ATP2C2: variants seen among roughly 807,000 people sequenced by gnomAD.
The protein encoded by ATP2C2 is ATPase secretory pathway Ca2+ transporting 2.
ATP2C2 carries 171 observed loss-of-function variants against 110.8 expected under a neutral mutation model. The ratio of observed to expected loss-of-function variants is 1.54; its 90% CI spans 1.36 to 1.75. The LOEUF is 1.75. Among genes scored for constraint, ATP2C2 ranks in the 40% most tolerant of loss-of-function variants. The pLI is 0.00. For missense variants in ATP2C2, 1,963 were observed against 1,235.0 expected (o/e 1.59, Z -8.84); for synonymous variants, 804 against 508.4 (o/e 1.58, Z -7.82).
intron 3 of ATP2C2, among the ~76,000 whole-genome samples, chr16:84,406,982 C>A (rs1442010254): frequency 6.6e-6 from 1 of 152,156 alleles, no homozygotes; most frequent in Non-Finnish European, 1.5e-5. Flanking sequence ...TTCTTGAGAG[C>A]AGAGGACCTG....
rs1473749638 is a variant in ATP2C2 at position 84,436,056 on chromosome 16, G to T, written c.987-3110G>T. Among the ~76,000 whole-genome samples, 5 of 152,238 alleles carry T rather than the reference G, an allele frequency of 3.3e-5. No individual in the cohort carries two copies. In the East Asian group the frequency reaches 7.7e-4, roughly 24 times the overall value. Reference sequence around the variant, plus strand: ...AGGCAGGAGAATTGCATGAAGCTGGGGGGTGGATGTTGCAGTGAGCTGAGA... The same window carrying T: ...AGGCAGGAGAATTGCATGAAGCTGGTGGGTGGATGTTGCAGTGAGCTGAGA... On this transcript the variant is annotated intron_variant, in intron 11 of 26. Transcript: ENST00000262429.
intron 16 of ATP2C2, among the ~76,000 whole-genome samples, chr16:84,446,725 C>T (rs1284047718): frequency 2.6e-5 from 4 of 152,098 alleles, no homozygotes; most frequent in African/African-American, 7.2e-5. Flanking sequence ...CCTCCTGAGT[C>T]GAAGGGTCCA....
At chr16:84,426,019 G>C (rs1033471411) in intron 11 of ATP2C2, 3 of 569,312 alleles carry the variant, frequency 5.3e-6, no homozygotes, top group Non-Finnish European at 9.5e-6. Context: ...GATCCAGGGT[G>C]TCCCTTTTGT....
chr16:84,430,532 T>A (rs969981737), intron 11 of ATP2C2, among the ~76,000 whole-genome samples: 3 of 148,276 alleles, frequency 2.0e-5, no homozygotes, highest in Non-Finnish European at 3.0e-5. Context: ...TCCCAGCTAC[T>A]GGGGGGCAGA....
At chr16:84,444,371 G>A (rs977112314) in intron 15 of ATP2C2, among the ~76,000 whole-genome samples, 2 of 152,058 alleles carry the variant, frequency 1.3e-5, no homozygotes, top group Non-Finnish European at 2.9e-5. Context: ...TACTCGGGAG[G>A]CTGAGGCAGG....
rs562539690 is a variant in ATP2C2 at position 84,460,279 on chromosome 16, GTC to G, written c.2334-368_2334-367del. On this transcript the variant is annotated intron_variant, in intron 23 of 26. Transcript: ENST00000262429. Reference sequence around the variant, plus strand: ...GCTGTGTGGAGTTGGCTGGAGGCTGGTCTCTCTCAGCTGATGAGGGGCTCTGC... The same window carrying G: ...GCTGTGTGGAGTTGGCTGGAGGCTGGTCTCTCAGCTGATGAGGGGCTCTGC... The G allele has an allele frequency of 3.0e-5, 9 of 304,380 alleles. No homozygotes were observed. In the East Asian group the frequency reaches 3.5e-4, roughly 12 times the overall value. The allele number at this position is 304,380 out of a possible 1,614,324, so 18.9% of individuals were successfully genotyped here.
intron 11 of ATP2C2, among the ~76,000 whole-genome samples, chr16:84,431,451 T>G (rs1429888650): frequency 6.6e-6 from 1 of 151,610 alleles, no homozygotes; most frequent in East Asian, 1.9e-4. Context: ...AGCCGACATC[T>G]CACCACTGCA....
chr16:84,381,656 C>A (rs779284256), intron 1 of ATP2C2, among the ~76,000 whole-genome samples: 1 of 152,216 alleles, frequency 6.6e-6, no homozygotes, highest in East Asian at 1.9e-4. Context: ...GCTGGGCACA[C>A]TATTCTGCCC....
rs574823170 is a variant in ATP2C2, at chr16:84,460,989, G to A, written c.2481+188G>A. On this transcript the variant is annotated intron_variant, in intron 24 of 26. Coordinates refer to ENST00000262429, the MANE Select transcript of ATP2C2 (RefSeq NM_014861.4). ...AGGGACTGGGTGACCCTTGAAAGAA[G>A]GGAGGTCGCCAGGTGTGTGCCTGGG... 3.4e-5 allele frequency: 27 copies of A among 799,524 alleles called. No individual in the cohort carries two copies. In the South Asian group the frequency reaches 5.3e-4, roughly 16 times the overall value. The allele number at this position is 799,524 out of a possible 1,614,324, so 49.5% of individuals were successfully genotyped here. A position where few individuals can be genotyped will look rare whatever the true frequency, so the allele number is the denominator to read the frequency against.
At chr16:84,395,790 G>A (rs116181751) in intron 1 of ATP2C2, among the ~76,000 whole-genome samples, 4,460 of 152,216 alleles carry the variant, frequency 0.029, 206 homozygotes, top group African/African-American at 0.094. Flanking sequence ...ATGAGCCACT[G>A]TGTCTGGCCC....
chr16:84,439,498 G>A lies in ATP2C2; in HGVS notation c.1183G>A (p.Val395Ile). 1.2e-6 allele frequency: 2 copies of A among 1,614,200 alleles called. No individual in the cohort carries two copies. The highest frequency in any genetic ancestry group is 1.7e-6 in the Non-Finnish European group (2 of 1,180,038). The change falls in exon 13 of 27, where the codon GTA becomes ATA. Residue 395 changes from valine (V) to isoleucine (I), a missense_variant. Physicochemically the swap from Val to Ile is conservative, Grantham distance 29. Coordinates refer to ENST00000262429, the MANE Select transcript of ATP2C2 (RefSeq NM_014861.4). ...TANEMTVTQL[V>I]TSDGLRAEVS... ...CAATGAAATGACAGTGACCCAGCTT[G>A]TAACGTCAGATGGGCTTCGTGCCGA...
chr16:84,462,238 G>C lies in ATP2C2; in HGVS notation c.2722+109G>C, dbSNP rs373490933. 45 of 1,415,924 alleles carry C rather than the reference G, an allele frequency of 3.2e-5. 1 individual carries two copies. The African/African-American group carries it at 5.2e-4, about 16-fold the overall frequency. The allele number at this position is 1,415,924 out of a possible 1,614,324, so 87.7% of individuals were successfully genotyped here. Reference sequence around the variant, plus strand: ...GGAGGGGTCAGTGCGGGAAAGCAGAGCTCACCAGGGGCCGGCTCTGTCTTC... The same window carrying C: ...GGAGGGGTCAGTGCGGGAAAGCAGACCTCACCAGGGGCCGGCTCTGTCTTC... On this transcript the variant is annotated intron_variant, in intron 26 of 26. Transcript: ENST00000262429.
At chr16:84,410,043 C>CA (rs1174185798) in intron 4 of ATP2C2, among the ~76,000 whole-genome samples, 6 of 152,010 alleles carry the variant, frequency 3.9e-5, no homozygotes, top group African/African-American at 1.4e-4. Flanking sequence ...CCCGTCTCTA[C>CA]AAAAAATACA....
chr16:84,438,971 C>A (rs1156795915), intron 11 of ATP2C2, 195 bp from the exon 12 acceptor site: 1 of 670,058 alleles, frequency 1.5e-6, no homozygotes, highest in Middle Eastern at 4.4e-4. Flanking sequence ...AGAGCGGGGT[C>A]TGCAGGGGAG....
intron 7 of ATP2C2, among the ~76,000 whole-genome samples, chr16:84,419,815 T>C (rs247813): frequency 0.84 from 127,604 of 152,058 alleles, 53,868 homozygotes; most frequent in Non-Finnish European, 0.87. Context: ...ACAGACTGAC[T>C]TAAATCTACT....
intron 6 of ATP2C2, among the ~76,000 whole-genome samples, chr16:84,411,846 G>A (rs1906325813): frequency 6.6e-6 from 1 of 152,200 alleles, no homozygotes; most frequent in Non-Finnish European, 1.5e-5. Flanking sequence ...CATCTGCGGG[G>A]GCCCTTCTAG....
At position 84,371,650 on chromosome 16, in the gene ATP2C2, G is replaced by A. The variant is rs565185196; in HGVS notation, c.99+2936G>A. On this transcript the variant is annotated intron_variant, in intron 1 of 26. Transcript: ENST00000262429. The stretch of plus-strand genomic sequence containing the variant: ...TCCCAGGTGACTCAGCGCCAACTCC[G>A]GGGGAAGCTGTCTCTGCCCCTCAGG... Among the ~76,000 whole-genome samples, 480 of 152,318 alleles carry A rather than the reference G, an allele frequency of 3.2e-3. 1 individual carries two copies. Among genetic ancestry groups the A allele is most frequent in the Non-Finnish European group, 5.0e-3 (339 of 68,020 alleles).
At chr16:84,392,492 T>A (rs559275522) in intron 1 of ATP2C2, among the ~76,000 whole-genome samples, 2 of 152,308 alleles carry the variant, frequency 1.3e-5, no homozygotes, top group South Asian at 2.1e-4. Flanking sequence ...GATGGAATTC[T>A]GCTCTTGTTG....
chr16:84,404,995 A>T (rs529829723), intron 2 of ATP2C2, 133 bp from the exon 3 acceptor site: 1 of 807,718 alleles, frequency 1.2e-6, no homozygotes, highest in East Asian at 2.4e-5. Flanking sequence ...AACAAGTCCC[A>T]GCACCTTGGT....
Sources: gnomAD v4.1 joint callset for allele counts (sites outside exome capture counted in the v4.1 genomes callset) on GRCh38, gnomAD v4.1.1 for gene constraint, MANE v1.5 for transcripts, NCBI Gene and HGNC (gene_info 2026-07-23, HGNC 2026-07-21) for gene names.